EXD1: variants seen among roughly 807,000 people sequenced by gnomAD.
EXD1 encodes the protein exonuclease 3'-5' domain containing 1.
EXD1 carries 63 observed loss-of-function variants against 49.1 expected under a neutral mutation model. The observed-to-expected ratio is 1.28, with a 90% CI of 1.05 to 1.58. The LOEUF is 1.58. Ranked by LOEUF, EXD1 falls within the 40% of genes most tolerant of loss-of-function variation. The pLI, the probability that EXD1 is intolerant of heterozygous loss-of-function variation, is 0.00. For synonymous variants in EXD1, 234 were observed against 239.2 expected (o/e 0.98, Z 0.20); for missense variants, 748 against 666.0 (o/e 1.12, Z -1.36).
chr15:41,204,377 C>A (rs533602405), intron 7 of EXD1, among the ~76,000 whole-genome samples: 1 of 151,794 alleles, frequency 6.6e-6, no homozygotes, highest in South Asian at 2.1e-4. Flanking sequence ...ATGGTGAAAC[C>A]CTGTCTCTAC....
chr15:41,226,330 C>T (rs1313316327), intron 2 of EXD1, 113 bp downstream of exon 2: 1 of 1,017,002 alleles, frequency 9.8e-7, no homozygotes, highest in Non-Finnish European at 1.4e-6. Context: ...ACCTTCCTCC[C>T]ACACTTTACC....
chr15:41,208,369 GAAAAAAAAAAAAA>G (rs10586810), intron 7 of EXD1, among the ~76,000 whole-genome samples: 1 of 62,680 alleles, frequency 1.6e-5, no homozygotes, highest in African/African-American at 5.2e-5. Flanking sequence ...ACTCATCTCT[GAAAAAAAAAAAAA>G]AAAAAAAAAA....
chr15:41,186,587 C>T (rs1200050599), intron 11 of EXD1, among the ~76,000 whole-genome samples: 1 of 150,290 alleles, frequency 6.7e-6, no homozygotes. Context: ...CAACTATTTA[C>T]ATAGCATTTA....
chr15:41,225,153 A>T (rs999089957), intron 2 of EXD1, among the ~76,000 whole-genome samples: 6 of 152,216 alleles, frequency 3.9e-5, no homozygotes, highest in African/African-American at 1.4e-4. Flanking sequence ...TCTTTCAGCC[A>T]TTGCACTGTT....
chr15:41,228,892 T>A (rs575578138), intron 1 of EXD1, among the ~76,000 whole-genome samples: 2 of 151,794 alleles, frequency 1.3e-5, no homozygotes, highest in South Asian at 2.1e-4. Flanking sequence ...GAAAAAAAAA[T>A]TAAAGTCAGA....
chr15:41,199,734 T>TATAATATATCTC (rs376100627), intron 7 of EXD1, among the ~76,000 whole-genome samples: 1 of 65,238 alleles, frequency 1.5e-5, no homozygotes, highest in African/African-American at 5.2e-5. Flanking sequence ...ATATATGATA[T>TATAATATATCTC]ATATGTCATA....
intron 7 of EXD1, among the ~76,000 whole-genome samples, chr15:41,205,453 A>G (rs936556232): frequency 3.9e-5 from 6 of 152,170 alleles, no homozygotes; most frequent in Non-Finnish European, 8.8e-5. Flanking sequence ...GCATCCTTAA[A>G]GATATGGAAC....
chr15:41,229,216 G>A (rs183863476), intron 1 of EXD1, among the ~76,000 whole-genome samples: 12 of 152,320 alleles, frequency 7.9e-5, no homozygotes, highest in Non-Finnish European at 7.3e-5. Flanking sequence ...GGGGACTCAC[G>A]CCTGTAATCC....
intron 3 of EXD1, 76 bp from the exon 4 acceptor site, chr15:41,217,230 C>CT (rs2047014025): frequency 8.3e-7 from 1 of 1,205,880 alleles, no homozygotes; most frequent in Non-Finnish European, 1.2e-6. Context: ...CCACACACCC[C>CT]TAGTTTAACC....
chr15:41,213,365 C>A (rs1748672421), intron 6 of EXD1, among the ~76,000 whole-genome samples: 1 of 151,942 alleles, frequency 6.6e-6, no homozygotes, highest in South Asian at 2.1e-4. Flanking sequence ...CCACACCCAG[C>A]TAATTTTTGT....
intron 10 of EXD1, among the ~76,000 whole-genome samples, chr15:41,190,856 C>T (rs2046502568): frequency 6.6e-6 from 1 of 151,964 alleles, no homozygotes; most frequent in Non-Finnish European, 1.5e-5. Flanking sequence ...CAAAAATTTC[C>T]CCCTTGTCCC....
At chr15:41,196,197 A>C (rs1253907584) in intron 7 of EXD1, among the ~76,000 whole-genome samples, 160 bp from the exon 8 acceptor site, 1 of 151,970 alleles carries the variant, frequency 6.6e-6, no homozygotes, top group Non-Finnish European at 1.5e-5. Context: ...CCCAGGCTGG[A>C]GTGCAGTGGC....
intron 2 of EXD1, among the ~76,000 whole-genome samples, chr15:41,222,535 A>G (rs7166205): frequency 0.51 from 78,074 of 151,858 alleles, 21,762 homozygotes; most frequent in African/African-American, 0.74. Flanking sequence ...TGAATCTTTT[A>G]TGTTTTTATA....
chr15:41,206,969 C>G (rs58083671), intron 7 of EXD1, among the ~76,000 whole-genome samples: 31,857 of 126,794 alleles, frequency 0.25, 5,936 homozygotes, highest in African/African-American at 0.5. Context: ...AGTGCCTCTG[C>G]GCCAGGTGTG....
rs941062903 is a variant in EXD1, at chr15:41,206,376, A to G, written c.534+3125T>C. Among the ~76,000 whole-genome samples, 5 of 150,194 alleles carry G rather than the reference A, an allele frequency of 3.3e-5. No individual in the cohort carries two copies. In the East Asian group the frequency reaches 1.0e-3, roughly 31 times the overall value. On this transcript the variant is annotated intron_variant, in intron 7 of 11. Transcript: ENST00000458580. ...TTCCAGCTACTTGGGAGGCTGAGGC[A>G]GGAGAATACCTTGAACCTGAGAGGC...
intron 7 of EXD1, among the ~76,000 whole-genome samples, chr15:41,199,479 T>C (rs2046672257): frequency 6.7e-6 from 1 of 149,132 alleles, no homozygotes; most frequent in African/African-American, 2.5e-5. Flanking sequence ...GCTGAGCAGG[T>C]TCCTGGAGGG....
chr15:41,212,754 G>T (rs1372828529), intron 6 of EXD1, among the ~76,000 whole-genome samples: 1 of 152,124 alleles, frequency 6.6e-6, no homozygotes, highest in East Asian at 1.9e-4. Flanking sequence ...AATATGATTT[G>T]GTGGCTGACT....
At chr15:41,199,377 C>G (rs1469418466) in intron 7 of EXD1, among the ~76,000 whole-genome samples, 2 of 150,942 alleles carry the variant, frequency 1.3e-5, no homozygotes, top group Non-Finnish European at 2.9e-5. Context: ...CATGCACCAC[C>G]ATGTTGGGCC....
At chr15:41,213,211 A>AT (rs147963446) in intron 6 of EXD1, among the ~76,000 whole-genome samples, 24,191 of 150,938 alleles carry the variant, frequency 0.16, 3,554 homozygotes, top group African/African-American at 0.39. Context: ...TTTTATTTTT[A>AT]TTTTTTTTGA....
Sources: gnomAD v4.1 joint callset for allele counts (sites outside exome capture counted in the v4.1 genomes callset) on GRCh38, gnomAD v4.1.1 for gene constraint, MANE v1.5 for transcripts, NCBI Gene and HGNC (gene_info 2026-07-23, HGNC 2026-07-21) for gene names.